Variants in CCDC85A observed in about 807,000 individuals in gnomAD.
The protein encoded by CCDC85A is coiled-coil domain-containing protein 85A.
In CCDC85A, 38 loss-of-function variants were observed where a neutral mutation model predicts 50.2. The ratio of observed to expected loss-of-function variants is 0.76; its 90% confidence interval spans 0.58 to 0.99. The LOEUF (loss-of-function observed/expected upper bound fraction) is 0.99. Among genes scored for constraint, CCDC85A ranks in the 50% least tolerant of loss-of-function variants. The pLI, the probability that CCDC85A is intolerant of heterozygous loss-of-function variation, is 0.00. For synonymous variants in CCDC85A, 366 were observed against 301.4 expected (o/e 1.21, Z -2.22); for missense variants, 820 against 742.0 (o/e 1.11, Z -1.22).
At chr2:56,241,074 T>C (rs968093221) in intron 2 of CCDC85A, among the ~76,000 whole-genome samples, 9 of 152,218 alleles carry the variant, frequency 5.9e-5, no homozygotes, top group African/African-American at 2.2e-4. Context: ...CTCATTGTGG[T>C]TTTGATTTGA....
chr2:56,359,029 C>G (rs1675387971), intron 3 of CCDC85A, among the ~76,000 whole-genome samples: 1 of 151,098 alleles, frequency 6.6e-6, no homozygotes, highest in African/African-American at 2.4e-5. Flanking sequence ...GTCTTGAACT[C>G]CTGACCTCAG....
intron 2 of CCDC85A, among the ~76,000 whole-genome samples, chr2:56,254,027 C>T (rs914741630): frequency 6.6e-6 from 1 of 152,066 alleles, no homozygotes; most frequent in African/African-American, 2.4e-5. Context: ...TTTCCCTCAA[C>T]TCTAGTCTTA....
chr2:56,282,170 C>G (rs963345013), intron 2 of CCDC85A, among the ~76,000 whole-genome samples: 1 of 151,842 alleles, frequency 6.6e-6, no homozygotes, highest in African/African-American at 2.4e-5. Context: ...GTTGAAAAGA[C>G]TGTTCTTTCC....
intron 2 of CCDC85A, among the ~76,000 whole-genome samples, chr2:56,249,841 C>T (rs1352096686): frequency 1.3e-5 from 2 of 152,104 alleles, no homozygotes; most frequent in African/African-American, 4.8e-5. Context: ...CTTCAGATGC[C>T]CCTTCCTCTG....
At chr2:56,345,675 G>A (rs1162529455) in intron 3 of CCDC85A, among the ~76,000 whole-genome samples, 1 of 152,166 alleles carries the variant, frequency 6.6e-6, no homozygotes, top group Non-Finnish European at 1.5e-5. Flanking sequence ...TCAGAACAGT[G>A]AGCATCATGT....
chr2:56,221,480 T>C (rs906054558), intron 2 of CCDC85A, among the ~76,000 whole-genome samples: 54 of 152,236 alleles, frequency 3.5e-4, no homozygotes, highest in African/African-American at 1.3e-3. Flanking sequence ...GAGTTGAATT[T>C]TGCTTACTAA....
rs1001155155 is a variant in CCDC85A at position 56,193,112 on chromosome 2, G to A, written c.912G>A (p.Thr304=). ...CGCATCCAGGGAGCAGCCCCGAAAC[G>A]CTGCCCAAGCACGTGCTGAGTGGGA... ...RHPHPGSSPE[T]LPKHVLSGSP... The change falls in exon 2 of 6, where the codon ACG becomes ACA. Residue 304 remains threonine, a synonymous_variant. Coordinates refer to ENST00000407595, the MANE Select transcript of CCDC85A (RefSeq NM_001080433.2). The A allele has an allele frequency of 3.7e-6, 6 of 1,613,580 alleles. No homozygotes were observed. In the Admixed American group the frequency reaches 8.3e-5, roughly 22 times the overall value.
At chr2:56,253,414 G>A (rs527464184) in intron 2 of CCDC85A, among the ~76,000 whole-genome samples, 6 of 152,174 alleles carry the variant, frequency 3.9e-5, no homozygotes, top group Non-Finnish European at 8.8e-5. Flanking sequence ...CAGGAAGCAT[G>A]TAAAGAACAA....
intron 4 of CCDC85A, among the ~76,000 whole-genome samples, chr2:56,373,596 AAG>A (rs755287320): frequency 2.0e-5 from 3 of 152,180 alleles, no homozygotes; most frequent in Non-Finnish European, 4.4e-5. Flanking sequence ...CAGGTCTGGA[AAG>A]AGAACATTTG....
intron 2 of CCDC85A, among the ~76,000 whole-genome samples, chr2:56,284,778 A>G (rs531219022): frequency 1.3e-5 from 2 of 152,310 alleles, no homozygotes; most frequent in South Asian, 4.1e-4. Context: ...TCTTATGCAC[A>G]TAAGTATTTA....
intron 2 of CCDC85A, among the ~76,000 whole-genome samples, chr2:56,295,988 A>G (rs535035991): frequency 3.0e-3 from 452 of 152,324 alleles, no homozygotes; most frequent in Admixed American, 5.8e-3. Context: ...TCTTTCTTAC[A>G]TATGCGATAA....
chr2:56,310,844 G>C (rs942917414), intron 2 of CCDC85A, among the ~76,000 whole-genome samples: 1 of 152,164 alleles, frequency 6.6e-6, no homozygotes, highest in Non-Finnish European at 1.5e-5. Context: ...TTCCACTTCA[G>C]TTTGGTAGAT....
chr2:56,363,162 T>G (rs1466324348), intron 3 of CCDC85A, among the ~76,000 whole-genome samples: 1 of 152,210 alleles, frequency 6.6e-6, no homozygotes, highest in African/African-American at 2.4e-5. Flanking sequence ...ATCTCTTTGT[T>G]TTCTTCCTTT....
chr2:56,335,550 T>C (rs1674029885), intron 2 of CCDC85A, among the ~76,000 whole-genome samples: 1 of 152,060 alleles, frequency 6.6e-6, no homozygotes, highest in Admixed American at 6.6e-5. Context: ...AAGGGCCTTC[T>C]TGGTACATCA....
rs191674912 is a variant in CCDC85A at position 56,254,694 on chromosome 2, G to A, written c.1240+61254G>A. Among the ~76,000 whole-genome samples the A allele has an allele frequency of 4.6e-5, 7 of 152,306 alleles. No homozygotes were observed. The East Asian group carries it at 7.7e-4, about 17-fold the overall frequency. Reference sequence around the variant, plus strand: ...TAACCAACAAATAAATAACACTGATGTGTACTATAAGGGAAAAATATAGGT... The same window carrying A: ...TAACCAACAAATAAATAACACTGATATGTACTATAAGGGAAAAATATAGGT... On this transcript the variant is annotated intron_variant, in intron 2 of 5. Coordinates refer to ENST00000407595, the MANE Select transcript of CCDC85A (RefSeq NM_001080433.2).
rs1676326354 is a variant in CCDC85A at position 56,192,192 on chromosome 2, A to C, written c.277-285A>C. Among the ~76,000 whole-genome samples, 1 of 151,948 alleles carries C rather than the reference A, an allele frequency of 6.6e-6. No individual in the cohort carries two copies. Among genetic ancestry groups the C allele is most frequent in the African/African-American group, 2.4e-5 (1 of 41,368 alleles). The stretch of plus-strand genomic sequence containing the variant: ...TGTGCAGGGATAGAACTGATACTTA[A>C]GTTAGTTTAATTTTTATGGCCATAC... On this transcript the variant is annotated intron_variant, in intron 1 of 5. Coordinates refer to ENST00000407595, the MANE Select transcript of CCDC85A (RefSeq NM_001080433.2). This position sits in a 1 kb window ranked among gnomAD's most constrained non-coding sequence, Gnocchi z 4.7.
chr2:56,369,332 T>G (rs1377048218), intron 3 of CCDC85A, among the ~76,000 whole-genome samples: 1 of 152,150 alleles, frequency 6.6e-6, no homozygotes, highest in Admixed American at 6.5e-5. Flanking sequence ...GAGAACTATT[T>G]ATTATTAGAA....
At chr2:56,242,893 G>C (rs1323174255) in intron 2 of CCDC85A, among the ~76,000 whole-genome samples, 2 of 152,046 alleles carry the variant, frequency 1.3e-5, no homozygotes, top group African/African-American at 2.4e-5. Flanking sequence ...TTTATAGTTT[G>C]AGGTATTAGA....
At chr2:56,354,232 A>T (rs2193480) in intron 3 of CCDC85A, among the ~76,000 whole-genome samples, 19,283 of 152,204 alleles carry the variant, frequency 0.13, 1,322 homozygotes, top group East Asian at 0.27. Flanking sequence ...GGTATTCTTT[A>T]TTTTAAAATG....
Sources: allele counts gnomAD v4.1 joint callset (sites outside exome capture counted in the v4.1 genomes callset), GRCh38; gene constraint gnomAD v4.1.1; non-coding constraint Gnocchi (gnomAD v3.1); transcripts MANE v1.5; gene names NCBI Gene and HGNC (gene_info 2026-07-23, HGNC 2026-07-21).